EIF4G3: variants seen among roughly 807,000 people sequenced by gnomAD.
The protein encoded by EIF4G3 is eukaryotic translation initiation factor 4 gamma 3.
A neutral mutation model predicts 186.4 loss-of-function variants in EIF4G3; 34 were observed. That is an observed-to-expected ratio of 0.18 (90% CI 0.14 to 0.24). EIF4G3 has a LOEUF of 0.24. EIF4G3 is among the 10% of genes least tolerant of loss of function. EIF4G3 has a pLI of 1.00. For synonymous variants in EIF4G3, 673 were observed against 679.5 expected, an observed-to-expected ratio of 0.99 and a Z score of 0.15; for missense variants, 1,536 against 1,948.5, an observed-to-expected ratio of 0.79 and a Z score of 3.99.
At position 20,806,840 on chromosome 1, in the gene EIF4G3, A is replaced by C. The variant is rs2058186530; in HGVS notation, c.*479T>G. ...ACCTTGTTCACCCCAAACTTTCTCAAATCTGGACTAAATGCTATACCTTAA... is the reference window on the plus strand; with the variant it reads ...ACCTTGTTCACCCCAAACTTTCTCACATCTGGACTAAATGCTATACCTTAA... On this transcript the variant is annotated 3_prime_UTR_variant, in exon 37 of 37. Transcript: ENST00000602326. 1 of 152,574 alleles carries C rather than the reference A, an allele frequency of 6.6e-6. No homozygotes were observed. Among genetic ancestry groups the C allele is most frequent in the Middle Eastern group, 3.2e-3 (1 of 316 alleles). The allele number at this position is 152,574 out of a possible 1,614,324, so 9.5% of individuals were successfully genotyped here.
At chr1:20,980,313 G>GT (rs1316800243) in intron 10 of EIF4G3, 21 bp downstream of exon 10, 20 of 1,497,784 alleles carry the variant, frequency 1.3e-5, no homozygotes, top group Non-Finnish European at 1.6e-5. Context: ...TAGCAGAAAT[G>GT]TCTTGACTTT....
intron 2 of EIF4G3, among the ~76,000 whole-genome samples, chr1:21,151,678 C>T (rs964155722): frequency 1.3e-5 from 2 of 151,168 alleles, no homozygotes; most frequent in Admixed American, 1.3e-4. Flanking sequence ...ACTTGAATAC[C>T]AACTTTCAAA....
chr1:20,869,012 A>G (rs2078361217), intron 20 of EIF4G3, among the ~76,000 whole-genome samples: 1 of 152,192 alleles, frequency 6.6e-6, no homozygotes, highest in South Asian at 2.1e-4. Flanking sequence ...TATCCCCAAA[A>G]GGATCAAATT....
intron 10 of EIF4G3, among the ~76,000 whole-genome samples, chr1:20,979,004 A>G (rs1368194021): frequency 6.6e-6 from 1 of 151,904 alleles, no homozygotes; most frequent in Non-Finnish European, 1.5e-5. Flanking sequence ...TGGTTAATGG[A>G]TAAGTTATCC....
At chr1:21,105,781 G>A (rs1211690578) in intron 2 of EIF4G3, among the ~76,000 whole-genome samples, 1 of 152,150 alleles carries the variant, frequency 6.6e-6, no homozygotes, top group African/African-American at 2.4e-5. Context: ...TGATAAGAGT[G>A]GTTGGGCACA....
rs146079131 is a variant in EIF4G3 at position 21,028,590 on chromosome 1, C to T, written c.-67+22276G>A. ...TATGATTATCCTTTCAAACCAAACA[C>T]GTTACAATATACTTTTATAAGCTTA... On this transcript the variant is annotated intron_variant, in intron 4 of 36. Coordinates refer to ENST00000602326, the MANE Select transcript of EIF4G3 (RefSeq NM_001391906.1). Among the ~76,000 whole-genome samples, 73 of 152,258 alleles carry T rather than the reference C, an allele frequency of 4.8e-4. No homozygotes were observed. The East Asian group carries it at 6.2e-3, about 13-fold the overall frequency.
At position 20,893,656 on chromosome 1, in the gene EIF4G3, A is replaced by T; in HGVS notation, c.2134-20T>A. On this transcript the variant is annotated intron_variant, in intron 17 of 36. Transcript: ENST00000602326. ...GTTGATCTGCATGAAAAAGCAAAAG[A>T]AAGCTTAATACATGTTCCAGAGCAT... is the stretch of plus-strand genomic sequence containing the variant. The T allele has an allele frequency of 6.5e-7, 1 of 1,535,848 alleles. No individual in the cohort carries two copies. The highest frequency in any genetic ancestry group is 1.8e-5 in the Admixed American group (1 of 54,498).
intron 3 of EIF4G3, among the ~76,000 whole-genome samples, chr1:21,054,649 A>G (rs2094480368): frequency 6.6e-6 from 1 of 152,126 alleles, no homozygotes. Flanking sequence ...GGTCTTCTGA[A>G]TTTTATCATA....
chr1:21,096,532 G>T (rs35913932), intron 2 of EIF4G3, among the ~76,000 whole-genome samples: 66,340 of 151,986 alleles, frequency 0.44, 14,834 homozygotes, highest in Non-Finnish European at 0.47. Context: ...ATTGCCCACT[G>T]TGAAGAAATA....
At chr1:21,162,735 G>A (rs368302448) in intron 2 of EIF4G3, among the ~76,000 whole-genome samples, 9 of 125,308 alleles carry the variant, frequency 7.2e-5, no homozygotes, top group South Asian at 5.8e-4. Flanking sequence ...GGGACAGAGC[G>A]AGACTCCATC....
chr1:20,973,228 C>T, intron 10 of EIF4G3, 129 bp from the exon 11 acceptor site: 1 of 638,626 alleles, frequency 1.6e-6, no homozygotes, highest in Non-Finnish European at 2.6e-6. Flanking sequence ...CATTCTTCAT[C>T]ATCTTTTTCC....
chr1:21,140,219 T>C (rs1398237523), intron 2 of EIF4G3, among the ~76,000 whole-genome samples: 2 of 152,184 alleles, frequency 1.3e-5, no homozygotes, highest in Non-Finnish European at 2.9e-5. Flanking sequence ...GATTTTCCAA[T>C]TGCAAAGAAG....
chr1:21,143,812 C>T (rs191786480), intron 2 of EIF4G3, among the ~76,000 whole-genome samples: 95 of 152,186 alleles, frequency 6.2e-4, no homozygotes, highest in African/African-American at 2.0e-3. Flanking sequence ...GTCCCAGCTA[C>T]GCAGGAGGCT....
chr1:21,040,908 C>T (rs934100558), intron 4 of EIF4G3, among the ~76,000 whole-genome samples: 3 of 152,124 alleles, frequency 2.0e-5, no homozygotes, highest in African/African-American at 4.8e-5. Flanking sequence ...ACAAGGCAAA[C>T]GTCACCCTGT....
intron 2 of EIF4G3, among the ~76,000 whole-genome samples, chr1:21,154,307 C>T (rs1187701010): frequency 1.3e-5 from 2 of 151,946 alleles, no homozygotes; most frequent in East Asian, 1.9e-4. Flanking sequence ...AAGTCAAGGG[C>T]GTATTTTTTT....
chr1:20,955,238 G>GTT (rs11449027), intron 12 of EIF4G3, among the ~76,000 whole-genome samples: 153 of 148,414 alleles, frequency 1.0e-3, no homozygotes, highest in Middle Eastern at 3.5e-3. Context: ...TTATTTTTTA[G>GTT]TTTTTTTTTT....
intron 19 of EIF4G3, 106 bp downstream of exon 19, chr1:20,886,094 TA>T: frequency 7.6e-7 from 1 of 1,319,062 alleles, no homozygotes; most frequent in Non-Finnish European, 1.0e-6. Flanking sequence ...GAAAATGTTA[TA>T]AAAAGTCTTA....
intron 12 of EIF4G3, among the ~76,000 whole-genome samples, chr1:20,966,511 T>C (rs941960284): frequency 6.6e-6 from 1 of 151,838 alleles, no homozygotes; most frequent in Non-Finnish European, 1.5e-5. Flanking sequence ...TCTCTCTCTG[T>C]TGCCCAGGCT....
intron 33 of EIF4G3, among the ~76,000 whole-genome samples, chr1:20,818,988 T>C (rs548257401): frequency 1.3e-5 from 2 of 152,310 alleles, no homozygotes; most frequent in Non-Finnish European, 2.9e-5. Flanking sequence ...AAGTTGGACT[T>C]GAACTCTGGG....
Sources: gnomAD v4.1 joint callset for allele counts (sites outside exome capture counted in the v4.1 genomes callset) on GRCh38, gnomAD v4.1.1 for gene constraint, MANE v1.5 for transcripts, NCBI Gene and HGNC (gene_info 2026-07-23, HGNC 2026-07-21) for gene names.